Variants in ICA1L observed in about 807,000 individuals in gnomAD.
The protein encoded by ICA1L is islet cell autoantigen 1-like protein.
Under a neutral mutation model 61.3 loss-of-function variants are expected in ICA1L, and 50 were observed. The ratio of observed to expected loss-of-function variants is 0.82; its 90% CI spans 0.65 to 1.03. The LOEUF is 1.03. Among genes scored for constraint, ICA1L ranks in the 50% least tolerant of loss-of-function variants. The pLI, the probability that ICA1L is intolerant of heterozygous loss-of-function variation, is 0.00. For synonymous variants in ICA1L, 161 were observed against 191.3 expected, an observed-to-expected ratio of 0.84 and a Z score of 1.31; for missense variants, 508 against 556.7, an observed-to-expected ratio of 0.91 and a Z score of 0.88.
chr2:202,848,404 T>C (rs1694524846), intron 1 of ICA1L, among the ~76,000 whole-genome samples: 1 of 152,196 alleles, frequency 6.6e-6, no homozygotes, highest in African/African-American at 2.4e-5. Context: ...TCTAACTCAT[T>C]TCAGAAGAAA....
In ICA1L at chr2:202,774,582, C is replaced by T. The variant is rs1692160742; in HGVS notation, c.*4951G>A. ...ATATACTCACAGGTCCTAGAGAGAC[C>T]AGTCACTGCATGCTGAGAGGGGGTC... On this transcript the variant is annotated 3_prime_UTR_variant, in exon 13 of 13. Transcript: ENST00000358299. 3 of 317,548 alleles carry T rather than the reference C, an allele frequency of 9.4e-6. No homozygotes were observed. Among genetic ancestry groups the T allele is most frequent in the Admixed American group, 1.0e-4 (2 of 19,688 alleles). 19.7% of individuals were successfully genotyped at this position (317,548 alleles called of 1,614,324 possible).
chr2:202,773,615 A>G lies in ICA1L; in HGVS notation c.*5918T>C. The G allele has an allele frequency of 1.6e-6, 1 of 610,866 alleles. No homozygotes were observed. Among genetic ancestry groups the G allele is most frequent in the Non-Finnish European group, 2.9e-6 (1 of 346,208 alleles). The allele number at this position is 610,866 out of a possible 1,614,324, so 37.8% of individuals were successfully genotyped here. A position where few individuals can be genotyped will look rare whatever the true frequency, so the allele number is the denominator to read the frequency against. ...CACAGTCCTAAGCCTGATATGCTCA[A>G]AGCAAAGCCTCTTTCCCACAAACTA... On this transcript the variant is annotated 3_prime_UTR_variant, in exon 13 of 13. Coordinates refer to ENST00000358299, the MANE Select transcript of ICA1L (RefSeq NM_001288622.3).
intron 1 of ICA1L, among the ~76,000 whole-genome samples, chr2:202,847,196 G>C (rs1250924764): frequency 1.3e-5 from 2 of 152,110 alleles, no homozygotes; most frequent in South Asian, 2.1e-4. Flanking sequence ...TAAAAGCCTG[G>C]ACCAAGCCAT....
intron 9 of ICA1L, among the ~76,000 whole-genome samples, chr2:202,808,372 G>A (rs988727874): frequency 6.6e-6 from 1 of 152,016 alleles, no homozygotes; most frequent in Non-Finnish European, 1.5e-5. Context: ...TTCCGCATGA[G>A]GAAAAAAGAG....
At chr2:202,833,905 C>T (rs1344481136) in intron 1 of ICA1L, among the ~76,000 whole-genome samples, 2 of 151,952 alleles carry the variant, frequency 1.3e-5, no homozygotes, top group South Asian at 2.1e-4. Flanking sequence ...ATGGTAGTTA[C>T]CAGAGGCTGG....
rs180935985 is a variant in ICA1L, at chr2:202,840,904, C to G, written c.-7-11888G>C. On this transcript the variant is annotated intron_variant, in intron 1 of 12. Coordinates refer to ENST00000358299, the MANE Select transcript of ICA1L (RefSeq NM_001288622.3). ...CGCAGGTCATCCCCGTGCTTCCCAG[C>G]CAGCGTCTGCAGTTCCTCATACTTG... The G allele has an allele frequency of 7.5e-5, 53 of 705,168 alleles. No homozygotes were observed. In the African/African-American group the frequency reaches 8.1e-4, roughly 11 times the overall value. 43.7% of individuals were successfully genotyped at this position (705,168 alleles called of 1,614,324 possible).
At position 202,869,306 on chromosome 2, in the gene ICA1L, C is replaced by T. The variant is rs902346916; in HGVS notation, c.-8+2313G>A. On this transcript the variant is annotated intron_variant, in intron 1 of 12. Coordinates refer to ENST00000358299, the MANE Select transcript of ICA1L (RefSeq NM_001288622.3). ...CCGGGAGGCGGAGCTTGCAGTGAGC[C>T]GAGATCCTGCCACTGCACTCAGCCT... Among the ~76,000 whole-genome samples, 5 of 151,966 alleles carry T rather than the reference C, an allele frequency of 3.3e-5. No individual in the cohort carries two copies. In the East Asian group the frequency reaches 5.8e-4, roughly 18 times the overall value.
intron 1 of ICA1L, chr2:202,870,582 G>A (rs1357480161): frequency 6.6e-6 from 1 of 152,158 alleles, no homozygotes; most frequent in Non-Finnish European, 1.5e-5. Flanking sequence ...CCTACTAAAG[G>A]ATGAGGCACC....
chr2:202,794,374 C>G (rs1262505722), intron 10 of ICA1L, among the ~76,000 whole-genome samples: 1 of 149,976 alleles, frequency 6.7e-6, no homozygotes, highest in Non-Finnish European at 1.5e-5. Context: ...AATCAACAAC[C>G]ATTCCTAATA....
At chr2:202,780,286 G>GTTGTTTGT (rs139958198) in intron 12 of ICA1L, among the ~76,000 whole-genome samples, 3 of 152,164 alleles carry the variant, frequency 2.0e-5, no homozygotes, top group African/African-American at 7.2e-5. Context: ...TTGGTTTACA[G>GTTGTTTGT]TTGTTATGTC....
chr2:202,867,766 A>G (rs1687563130), intron 1 of ICA1L, among the ~76,000 whole-genome samples: 1 of 152,202 alleles, frequency 6.6e-6, no homozygotes, highest in Non-Finnish European at 1.5e-5. Flanking sequence ...ACCTTCATAC[A>G]TTGGTCGTGG....
chr2:202,794,714 T>C (rs1047098240), intron 10 of ICA1L, among the ~76,000 whole-genome samples: 2 of 151,958 alleles, frequency 1.3e-5, no homozygotes, highest in African/African-American at 2.4e-5. Flanking sequence ...AATGAAAATA[T>C]ATAATGGAAA....
intron 1 of ICA1L, among the ~76,000 whole-genome samples, chr2:202,865,535 T>C (rs920512903): frequency 6.7e-6 from 1 of 150,030 alleles, no homozygotes; most frequent in African/African-American, 2.5e-5. Context: ...AACTGTGAAA[T>C]AGTGAATATT....
intron 3 of ICA1L, chr2:202,825,421 G>A (rs1340749898): frequency 2.5e-5 from 16 of 641,328 alleles, no homozygotes; most frequent in Non-Finnish European, 2.8e-5. Context: ...AGTGAGCTGT[G>A]ATTGCACCAC....
chr2:202,804,044 A>G (rs1693160625), intron 9 of ICA1L, among the ~76,000 whole-genome samples: 1 of 152,032 alleles, frequency 6.6e-6, no homozygotes. Context: ...GCTTTGTGCT[A>G]ATAACTCTTT....
At chr2:202,783,075 G>A (rs1692461654) in intron 12 of ICA1L, among the ~76,000 whole-genome samples, 1 of 152,032 alleles carries the variant, frequency 6.6e-6, no homozygotes. Context: ...TGATATCAAT[G>A]AATAAGTAAA....
intron 1 of ICA1L, among the ~76,000 whole-genome samples, chr2:202,831,682 T>C (rs1694017992): frequency 6.6e-6 from 1 of 152,184 alleles, no homozygotes; most frequent in African/African-American, 2.4e-5. Flanking sequence ...AGCAAAAAAC[T>C]AGACTCCTCC....
At chr2:202,781,090 T>C (rs1425749936) in intron 12 of ICA1L, among the ~76,000 whole-genome samples, 1 of 152,146 alleles carries the variant, frequency 6.6e-6, no homozygotes, top group East Asian at 1.9e-4. Context: ...TTATATTCAT[T>C]AGTCACAATG....
intron 1 of ICA1L, among the ~76,000 whole-genome samples, chr2:202,859,427 C>A (rs942269850): frequency 6.6e-6 from 1 of 152,226 alleles, no homozygotes; most frequent in Admixed American, 6.5e-5. Flanking sequence ...TTAAAATAGT[C>A]CCAATATGAC....
Sources: allele counts gnomAD v4.1 joint callset (sites outside exome capture counted in the v4.1 genomes callset), GRCh38; gene constraint gnomAD v4.1.1; transcripts MANE v1.5; gene names NCBI Gene and HGNC (gene_info 2026-07-23, HGNC 2026-07-21).